The following TMEM217 variants were observed in gnomAD, a reference collection of about 807,000 sequenced individuals.
TMEM217 encodes transmembrane protein 217.
For missense variants in TMEM217, 204 were observed against 248.8 expected, an observed-to-expected ratio of 0.82 and a Z score of 1.21; for synonymous variants, 76 against 88.3, an observed-to-expected ratio of 0.86 and a Z score of 0.78.
chr6:37,233,839 T>C (rs1764343011), intron 1 of TMEM217, among the ~76,000 whole-genome samples: 1 of 152,170 alleles, frequency 6.6e-6, no homozygotes, highest in Admixed American at 6.5e-5. Context: ...CGACTTAAAT[T>C]TTTTCCACTT....
chr6:37,213,618 G>A (rs1233915979), downstream of TMEM217, among the ~76,000 whole-genome samples: 1 of 152,248 alleles, frequency 6.6e-6, no homozygotes, highest in Non-Finnish European at 1.5e-5. Context: ...CATTGTGCAG[G>A]TGAAGGCCCA....
chr6:37,234,538 T>C (rs1764385571), intron 1 of TMEM217, among the ~76,000 whole-genome samples: 1 of 152,060 alleles, frequency 6.6e-6, no homozygotes, highest in Non-Finnish European at 1.5e-5. Flanking sequence ...AGTTAAGAGT[T>C]TGGGAGGAAT....
At chr6:37,221,384 G>A (rs893232230) in intron 1 of TMEM217, among the ~76,000 whole-genome samples, 2 of 151,852 alleles carry the variant, frequency 1.3e-5, no homozygotes, top group Non-Finnish European at 2.9e-5. Context: ...ACGGGGTTTC[G>A]CCATGTTGGT....
At chr6:37,252,937 A>C (rs926113116) in intron 1 of TMEM217, among the ~76,000 whole-genome samples, 1 of 151,874 alleles carries the variant, frequency 6.6e-6, no homozygotes, top group Non-Finnish European at 1.5e-5. Context: ...ACTGTTACCC[A>C]GGTGATGTAT....
At chr6:37,257,140 G>A (rs1765794962) in intron 1 of TMEM217, among the ~76,000 whole-genome samples, 1 of 152,168 alleles carries the variant, frequency 6.6e-6, no homozygotes, top group African/African-American at 2.4e-5. Flanking sequence ...TATATACACT[G>A]TTAGCATAGT....
intron 1 of TMEM217, 57 bp from the exon 2 acceptor site, chr6:37,219,098 C>A: frequency 6.8e-7 from 1 of 1,479,306 alleles, no homozygotes; most frequent in South Asian, 1.3e-5. Flanking sequence ...TGGTAAATTA[C>A]CAGGGTTTCT....
At chr6:37,247,991 C>T (rs981946244) in intron 1 of TMEM217, among the ~76,000 whole-genome samples, 3 of 152,150 alleles carry the variant, frequency 2.0e-5, no homozygotes, top group African/African-American at 7.2e-5. Context: ...TACAGTTTCT[C>T]ATATGTAATT....
At chr6:37,252,613 G>A (rs139112416) in intron 1 of TMEM217, among the ~76,000 whole-genome samples, 179 of 89,994 alleles carry the variant, frequency 2.0e-3, no homozygotes, top group African/African-American at 6.8e-3. Context: ...GTGTGTATGT[G>A]TGTGTATATA....
At chr6:37,212,768 T>C (rs137861808), downstream of TMEM217, 2,320 of 698,848 alleles carry the variant, frequency 3.3e-3, 10 homozygotes, top group Non-Finnish European at 4.7e-3. Flanking sequence ...CCGATGATGA[T>C]GGTGGTGAGG....
chr6:37,233,909 C>T (rs1394832352), intron 1 of TMEM217, among the ~76,000 whole-genome samples: 1 of 152,124 alleles, frequency 6.6e-6, no homozygotes, highest in East Asian at 1.9e-4. Context: ...ACCCATACAG[C>T]CATTCTGATT....
intron 1 of TMEM217, among the ~76,000 whole-genome samples, chr6:37,252,637 ATTTTT>A (rs374265453): frequency 0.019 from 1,323 of 71,216 alleles, 27 homozygotes; most frequent in African/African-American, 0.062. Flanking sequence ...ATATATATAT[ATTTTT>A]TTTTTTTTTT....
chr6:37,226,505 G>C lies in TMEM217; in HGVS notation c.-11-7464C>G, dbSNP rs577887749. On this transcript the variant is annotated intron_variant, in intron 1 of 1. Coordinates refer to ENST00000357219, the Ensembl canonical transcript of TMEM217. ...GTAGAGACGGGGTTTCACCGTGTTA[G>C]CCAGGATGGTCTCGATCTCCTGACC... Among the ~76,000 whole-genome samples the C allele has an allele frequency of 2.0e-5, 3 of 151,406 alleles. No homozygotes were observed. The South Asian group carries it at 6.3e-4, about 32-fold the overall frequency.
At chr6:37,253,236 C>T (rs1583498785) in intron 1 of TMEM217, among the ~76,000 whole-genome samples, 1 of 152,028 alleles carries the variant, frequency 6.6e-6, no homozygotes, top group African/African-American at 2.4e-5. Flanking sequence ...ATTTACATAA[C>T]TTCTTCTCAT....
intron 1 of TMEM217, among the ~76,000 whole-genome samples, chr6:37,251,022 C>G (rs1349370953): frequency 1.5e-5 from 2 of 136,700 alleles, no homozygotes; most frequent in South Asian, 2.4e-4. Flanking sequence ...CTGCCTGACC[C>G]TTTCCACCAT....
rs1764050930 is a variant in TMEM217 at position 37,229,345 on chromosome 6, T to TTTTTTG, written c.-11-10305_-11-10304insCAAAAA. Among the ~76,000 whole-genome samples the TTTTTTG allele has an allele frequency of 3.1e-5, 4 of 128,698 alleles. 1 individual carries two copies. Among genetic ancestry groups the TTTTTTG allele is most frequent in the African/African-American group, 1.2e-4 (4 of 32,750 alleles). 84.4% of individuals were successfully genotyped at this position (128,698 alleles called of 152,430 possible). On this transcript the variant is annotated intron_variant, in intron 1 of 1. Transcript: ENST00000357219. ...CCCTAGCAACTTTCAGTTTTTTTTT[T>TTTTTTG]TTTTTTTTTTTTTTTGAGACAGTGT...
At chr6:37,252,617 G>A (rs58808155) in intron 1 of TMEM217, among the ~76,000 whole-genome samples, 140 of 112,246 alleles carry the variant, frequency 1.2e-3, no homozygotes, top group Middle Eastern at 4.4e-3. Context: ...GTATGTGTGT[G>A]TATATATATA....
In TMEM217 at chr6:37,226,281, C is replaced by CTTTTTT. The variant is rs755752365; in HGVS notation, c.-11-7246_-11-7241dup. 1.3e-3 allele frequency among the ~76,000 whole-genome samples: 94 copies of CTTTTTT among 74,900 alleles called. 5 individuals carry two copies. Among genetic ancestry groups the CTTTTTT allele is most frequent in the Middle Eastern group, 0.011 (1 of 88 alleles). The allele number at this position is 74,900 out of a possible 152,430, so 49.1% of individuals were successfully genotyped here. A position where few individuals can be genotyped will look rare whatever the true frequency, so the allele number is the denominator to read the frequency against. On this transcript the variant is annotated intron_variant, in intron 1 of 1. Coordinates refer to ENST00000357219, the Ensembl canonical transcript of TMEM217. ...TTTTATTTTGTTTTTTTGAGACAGT[C>CTTTTTT]TTTTTTTTTTTTTTTTTTTTTTTTT...
chr6:37,248,243 G>T (rs752711555), intron 1 of TMEM217, among the ~76,000 whole-genome samples: 3 of 152,052 alleles, frequency 2.0e-5, no homozygotes, highest in Non-Finnish European at 4.4e-5. Flanking sequence ...TTATACACTT[G>T]TTGAGGACAG....
At chr6:37,242,044 C>A (rs1764794740) in intron 1 of TMEM217, among the ~76,000 whole-genome samples, 1 of 148,198 alleles carries the variant, frequency 6.7e-6, no homozygotes. Flanking sequence ...TCTTTCCCTG[C>A]CCCTTGATGG....
Sources: allele counts gnomAD v4.1 joint callset (sites outside exome capture counted in the v4.1 genomes callset), GRCh38; gene constraint gnomAD v4.1.1; transcripts MANE v1.5; gene names NCBI Gene and HGNC (gene_info 2026-07-23, HGNC 2026-07-21).